DLEU7: variants seen among roughly 807,000 people sequenced by gnomAD.
DLEU7 encodes leukemia-associated protein 7.
DLEU7 carries 17 observed loss-of-function variants against 16.0 expected under a neutral mutation model. That is an observed-to-expected ratio of 1.06 (90% CI 0.73 to 1.59). The LOEUF (loss-of-function observed/expected upper bound fraction) is 1.59. Among genes scored for constraint, DLEU7 ranks in the 40% most tolerant of loss-of-function variants. The pLI is 0.00. For missense variants in DLEU7, 308 were observed against 314.9 expected (o/e 0.98, Z 0.17); for synonymous variants, 113 against 139.8 (o/e 0.81, Z 1.35).
At chr13:50,812,373 A>G (rs1220662169) in intron 1 of DLEU7, among the ~76,000 whole-genome samples, 2 of 152,090 alleles carry the variant, frequency 1.3e-5, no homozygotes, top group Non-Finnish European at 2.9e-5. Context: ...TTCGGGTTTG[A>G]CTGACATTCT....
At chr13:50,791,900 A>T (rs997079700) in intron 1 of DLEU7, among the ~76,000 whole-genome samples, 4 of 152,178 alleles carry the variant, frequency 2.6e-5, no homozygotes, top group South Asian at 2.1e-4. Context: ...GTGATACGGT[A>T]ACAGCATTTT....
At chr13:50,725,607 GT>G (rs1376165088) in intron 1 of DLEU7, among the ~76,000 whole-genome samples, 1 of 152,136 alleles carries the variant, frequency 6.6e-6, no homozygotes, top group Non-Finnish European at 1.5e-5. Flanking sequence ...ATAATTTCAT[GT>G]TTTCATCAAG....
intron 1 of DLEU7, among the ~76,000 whole-genome samples, chr13:50,805,509 TTTC>T (rs1209756206): frequency 7.9e-5 from 12 of 152,070 alleles, no homozygotes; most frequent in Non-Finnish European, 1.3e-4. Flanking sequence ...TTATTTTGAT[TTTC>T]TTCTTCAAGA....
intron 1 of DLEU7, among the ~76,000 whole-genome samples, chr13:50,748,792 AG>A (rs1219715977): frequency 2.6e-5 from 4 of 152,186 alleles, no homozygotes; most frequent in African/African-American, 4.8e-5. Context: ...TGGAGAAAAG[AG>A]AGGCGAAATA....
At chr13:50,831,406 G>A (rs1439607386) in intron 1 of DLEU7, among the ~76,000 whole-genome samples, 1 of 152,150 alleles carries the variant, frequency 6.6e-6, no homozygotes, top group Non-Finnish European at 1.5e-5. Context: ...TAGGTGGTAT[G>A]GAGGAACGCA....
chr13:50,798,069 C>T lies in DLEU7; in HGVS notation c.459+45119G>A, dbSNP rs376391293. ...TTCAGAATGCCATTGTAATAGGTGG[C>T]ACCACCAAATAGGCCTGGTTCACAT... On this transcript the variant is annotated intron_variant, in intron 1 of 1. Coordinates refer to the DLEU7 transcript ENST00000400393. Among the ~76,000 whole-genome samples, 5 of 152,274 alleles carry T rather than the reference C, an allele frequency of 3.3e-5. No individual in the cohort carries two copies. The East Asian group carries it at 5.8e-4, about 18-fold the overall frequency.
At position 50,779,062 on chromosome 13, in the gene DLEU7, G is replaced by A. The variant is rs191158261; in HGVS notation, c.459+64126C>T. ...AGGACAGGTGCTTAGTCCAGCTAAC[G>A]TGTTCCTGGGATTGTAGATTTAGAA... On this transcript the variant is annotated intron_variant, in intron 1 of 1. Coordinates refer to the DLEU7 transcript ENST00000400393. Among the ~76,000 whole-genome samples, 972 of 152,266 alleles carry A rather than the reference G, an allele frequency of 6.4e-3. 11 individuals carry two copies. Among genetic ancestry groups the A allele is most frequent in the Admixed American group, 0.011 (168 of 15,296 alleles).
intron 1 of DLEU7, chr13:50,713,358 G>A (rs1372065991): frequency 1.6e-6 from 2 of 1,247,934 alleles, no homozygotes; most frequent in South Asian, 2.6e-5. Flanking sequence ...AGGTACTGGA[G>A]ATATGGGCTA....
At chr13:50,825,303 A>G (rs1388111668) in intron 1 of DLEU7, among the ~76,000 whole-genome samples, 1 of 152,218 alleles carries the variant, frequency 6.6e-6, no homozygotes, top group East Asian at 1.9e-4. Context: ...TGACTATTTC[A>G]TAATAAATTG....
At chr13:50,806,887 G>A (rs1329219870) in intron 1 of DLEU7, among the ~76,000 whole-genome samples, 1 of 148,914 alleles carries the variant, frequency 6.7e-6, no homozygotes, top group East Asian at 2.0e-4. Context: ...AGGTTGCAAT[G>A]AGCAGAGATC....
intron 1 of DLEU7, among the ~76,000 whole-genome samples, chr13:50,836,156 A>G (rs1377411519): frequency 6.6e-6 from 1 of 152,230 alleles, no homozygotes; most frequent in Non-Finnish European, 1.5e-5. Context: ...GCTCTTTTGA[A>G]AACAGTCACC....
chr13:50,788,246 A>T lies in DLEU7; in HGVS notation c.459+54942T>A, dbSNP rs375923604. On this transcript the variant is annotated intron_variant, in intron 1 of 1. Coordinates refer to the DLEU7 transcript ENST00000400393. ...CTTATCCTGGTTGGAGCCTGGCTAG[A>T]CACCCAGCAAACCAATCTCCTCACC... is the stretch of plus-strand genomic sequence containing the variant. Among the ~76,000 whole-genome samples the T allele has an allele frequency of 8.3e-4, 126 of 152,184 alleles. 1 individual carries two copies. In the South Asian group the frequency reaches 0.023, roughly 27 times the overall value.
At chr13:50,735,962 C>G (rs1051891406) in intron 1 of DLEU7, among the ~76,000 whole-genome samples, 1 of 152,056 alleles carries the variant, frequency 6.6e-6, no homozygotes, top group Admixed American at 6.6e-5. Flanking sequence ...CCTCGAATAG[C>G]TAAAAACAGG....
intron 1 of DLEU7, among the ~76,000 whole-genome samples, chr13:50,824,684 ATGAACATCC>A (rs1877024367): frequency 6.6e-6 from 1 of 152,198 alleles, no homozygotes; most frequent in Non-Finnish European, 1.5e-5. Context: ...TCTGTACTAG[ATGAACATCC>A]TGGGAACACT....
At chr13:50,793,759 C>A (rs994851429) in intron 1 of DLEU7, among the ~76,000 whole-genome samples, 1 of 152,100 alleles carries the variant, frequency 6.6e-6, no homozygotes, top group Non-Finnish European at 1.5e-5. Flanking sequence ...TAGGCCTTTG[C>A]CAGATGCTTA....
At position 50,805,346 on chromosome 13, in the gene DLEU7, A is replaced by T. The variant is rs563891034; in HGVS notation, c.459+37842T>A. Among the ~76,000 whole-genome samples the T allele has an allele frequency of 8.5e-5, 13 of 152,320 alleles. No homozygotes were observed. The East Asian group carries it at 2.5e-3, about 29-fold the overall frequency. On this transcript the variant is annotated intron_variant, in intron 1 of 1. Transcript: ENST00000400393. ...TAATCTATTAGTGTGGTAGAAATATATTAATAGATTTCCTAATATTGAACC... is the reference window on the plus strand; with the variant it reads ...TAATCTATTAGTGTGGTAGAAATATTTTAATAGATTTCCTAATATTGAACC...
intron 1 of DLEU7, among the ~76,000 whole-genome samples, chr13:50,774,236 A>AC (rs1875421274): frequency 6.6e-6 from 1 of 151,872 alleles, no homozygotes; most frequent in Admixed American, 6.6e-5. Flanking sequence ...GTGAAGTGAT[A>AC]CCCCACTCTG....
At chr13:50,758,167 C>T (rs954230707) in intron 1 of DLEU7, among the ~76,000 whole-genome samples, 6 of 151,440 alleles carry the variant, frequency 4.0e-5, no homozygotes, top group African/African-American at 1.5e-4. Context: ...ACACCTGGCC[C>T]CAAGATGTAT....
chr13:50,762,674 A>G lies in DLEU7; in HGVS notation c.460-49434T>C, dbSNP rs147156963. Among the ~76,000 whole-genome samples the G allele has an allele frequency of 3.9e-3, 593 of 152,258 alleles. 5 individuals are homozygous for G. The highest frequency in any genetic ancestry group is 0.014 in the African/African-American group (569 of 41,546). ...TTGAAGGCGGGGATTAAAGGAGAAG[A>G]TGCCACCAAGGTGGTTTAAGAATGG... On this transcript the variant is annotated intron_variant, in intron 1 of 1. Transcript: ENST00000400393.
Sources: gnomAD v4.1 joint callset for allele counts (sites outside exome capture counted in the v4.1 genomes callset) on GRCh38, gnomAD v4.1.1 for gene constraint, MANE v1.5 for transcripts, NCBI Gene and HGNC (gene_info 2026-07-23, HGNC 2026-07-21) for gene names.